TEAD1: variants seen among roughly 807,000 people sequenced by gnomAD.
TEAD1 encodes the protein TEA domain transcription factor 1.
In TEAD1, 9 loss-of-function variants were observed where a neutral mutation model predicts 54.9. The observed-to-expected ratio is 0.16, with a 90% CI of 0.10 to 0.29. The LOEUF is 0.29. Among genes scored for constraint, TEAD1 ranks in the 10% least tolerant of loss-of-function variants. TEAD1 has a pLI of 1.00. For missense variants in TEAD1, 387 were observed against 535.9 expected (o/e 0.72, Z 2.74); for synonymous variants, 200 against 187.8 (o/e 1.07, Z -0.53).
At chr11:12,811,298 A>T (rs1800445515) in intron 3 of TEAD1, among the ~76,000 whole-genome samples, 1 of 152,210 alleles carries the variant, frequency 6.6e-6, no homozygotes, top group Non-Finnish European at 1.5e-5. Context: ...CTTTCATAAG[A>T]ATCCCACACA....
chr11:12,830,861 G>T (rs1386969229), intron 3 of TEAD1, among the ~76,000 whole-genome samples: 1 of 152,094 alleles, frequency 6.6e-6, no homozygotes, highest in Non-Finnish European at 1.5e-5. Context: ...AGCAAAAGGT[G>T]TAGGGAGAGG....
At chr11:12,878,953 CT>C in intron 5 of TEAD1, 1 of 1,252,118 alleles carries the variant, frequency 8.0e-7, no homozygotes, top group Non-Finnish European at 1.0e-6. Context: ...GCTTGGCAGA[CT>C]TTTTTGGCTA....
intron 3 of TEAD1, among the ~76,000 whole-genome samples, chr11:12,786,029 T>A (rs1214380143): frequency 1.3e-5 from 2 of 152,188 alleles, no homozygotes; most frequent in Non-Finnish European, 2.9e-5. Flanking sequence ...CATGCAATCT[T>A]CTGCCTTGGA....
At chr11:12,763,056 T>G (rs1196000777) in intron 2 of TEAD1, among the ~76,000 whole-genome samples, 1 of 152,240 alleles carries the variant, frequency 6.6e-6, no homozygotes, top group Non-Finnish European at 1.5e-5. Flanking sequence ...TTTGAATTAA[T>G]GATCCTATAC....
chr11:12,794,658 G>A (rs1363338788), intron 3 of TEAD1, among the ~76,000 whole-genome samples: 1 of 152,182 alleles, frequency 6.6e-6, no homozygotes, highest in African/African-American at 2.4e-5. Flanking sequence ...GCCAGAATGG[G>A]CCTCTGTGGC....
chr11:12,875,659 C>T (rs1947840523), intron 5 of TEAD1, among the ~76,000 whole-genome samples: 1 of 152,154 alleles, frequency 6.6e-6, no homozygotes, highest in African/African-American at 2.4e-5. Flanking sequence ...CTGGTATAGA[C>T]ATTTTAGTCC....
intron 3 of TEAD1, among the ~76,000 whole-genome samples, chr11:12,764,937 T>A (rs188494836): frequency 1.3e-5 from 2 of 151,038 alleles, no homozygotes; most frequent in African/African-American, 4.9e-5. Flanking sequence ...TTTTTTTTTT[T>A]TAAAACAACT....
chr11:12,858,240 G>C (rs754250951), intron 3 of TEAD1, among the ~76,000 whole-genome samples: 1 of 152,160 alleles, frequency 6.6e-6, no homozygotes, highest in Non-Finnish European at 1.5e-5. Context: ...AAATTGTTTG[G>C]AATGGCATAC....
rs1245420939 is a variant in TEAD1, at chr11:12,712,595, G to A, written c.-55+37034G>A. On this transcript the variant is annotated intron_variant, in intron 2 of 12. Coordinates refer to ENST00000527636, the MANE Select transcript of TEAD1 (RefSeq NM_021961.6). ...TGTGAAGTGCTTGGCACATTGGCTG[G>A]AACAGATTAAGTACTTAAATGTTAT... Among the ~76,000 whole-genome samples, 4 of 152,124 alleles carry A rather than the reference G, an allele frequency of 2.6e-5. No homozygotes were observed. In the South Asian group the frequency reaches 6.2e-4, roughly 24 times the overall value.
intron 3 of TEAD1, among the ~76,000 whole-genome samples, chr11:12,844,522 A>G (rs1317149004): frequency 3.3e-5 from 5 of 152,180 alleles, no homozygotes; most frequent in Non-Finnish European, 5.9e-5. Context: ...GCATCAAATC[A>G]TTGGGGGGCA....
intron 2 of TEAD1, 57 bp from the exon 3 acceptor site, chr11:12,764,122 A>C: frequency 1.8e-6 from 2 of 1,115,504 alleles, no homozygotes; most frequent in Non-Finnish European, 1.3e-6. Flanking sequence ...AGAGCTAGCA[A>C]GAGCATTATG....
intron 2 of TEAD1, among the ~76,000 whole-genome samples, chr11:12,681,526 T>C (rs992308336): frequency 1.3e-5 from 2 of 152,246 alleles, no homozygotes; most frequent in Non-Finnish European, 2.9e-5. Flanking sequence ...ACCACTCAAG[T>C]GTCCAGTGAA....
chr11:12,840,284 G>GGCAAAATCCCATCTCTACT (rs1947005917), intron 3 of TEAD1, among the ~76,000 whole-genome samples: 1 of 134,312 alleles, frequency 7.4e-6, no homozygotes, highest in African/African-American at 2.7e-5. Context: ...GACCAGAAAC[G>GGCAAAATCCCATCTCTACT]AAATCGGGCC....
chr11:12,757,033 A>G (rs1944996948), intron 2 of TEAD1, among the ~76,000 whole-genome samples: 1 of 152,248 alleles, frequency 6.6e-6, no homozygotes, highest in Non-Finnish European at 1.5e-5. Flanking sequence ...CCTTCAAGCC[A>G]TCAAATGTTT....
chr11:12,855,168 A>G (rs929639946), intron 3 of TEAD1, among the ~76,000 whole-genome samples: 6 of 152,200 alleles, frequency 3.9e-5, no homozygotes, highest in Admixed American at 2.6e-4. Flanking sequence ...ATGGGGAGAT[A>G]AAACACCCCC....
At chr11:12,866,190 A>G (rs1340371957) in intron 5 of TEAD1, among the ~76,000 whole-genome samples, 1 of 152,196 alleles carries the variant, frequency 6.6e-6, no homozygotes, top group Non-Finnish European at 1.5e-5. Flanking sequence ...CAAAGGTGCA[A>G]TACTCTCTAT....
intron 9 of TEAD1, among the ~76,000 whole-genome samples, chr11:12,899,553 C>T (rs1948384701): frequency 6.6e-6 from 1 of 152,154 alleles, no homozygotes; most frequent in African/African-American, 2.4e-5. Context: ...GATGTTCCCT[C>T]CTACCCTTAT....
At chr11:12,832,798 C>T (rs1946809516) in intron 3 of TEAD1, among the ~76,000 whole-genome samples, 1 of 152,222 alleles carries the variant, frequency 6.6e-6, no homozygotes, top group African/African-American at 2.4e-5. Context: ...AACAAGTTTC[C>T]ATCTCGTTCA....
intron 3 of TEAD1, among the ~76,000 whole-genome samples, chr11:12,858,099 C>T (rs1178604637): frequency 1.3e-5 from 2 of 152,054 alleles, no homozygotes; most frequent in Non-Finnish European, 2.9e-5. Context: ...ATGTGAGACC[C>T]TGTCTAAAAG....
Sources: allele counts gnomAD v4.1 joint callset (sites outside exome capture counted in the v4.1 genomes callset), GRCh38; gene constraint gnomAD v4.1.1; transcripts MANE v1.5; gene names NCBI Gene and HGNC (gene_info 2026-07-23, HGNC 2026-07-21).